Variants in HDAC9 observed in about 807,000 individuals in gnomAD.
HDAC9 encodes histone deacetylase 9, also known as MEF-2 interacting transcription repressor (MITR) protein.
HDAC9 carries 41 observed loss-of-function variants against 139.4 expected under a neutral mutation model. That is an observed-to-expected ratio of 0.29 (90% confidence interval 0.23 to 0.38). The LOEUF (loss-of-function observed/expected upper bound fraction) is 0.38. Ranked by LOEUF, HDAC9 falls within the 10% of genes least tolerant of loss-of-function variation. The pLI is 1.00. For synonymous variants in HDAC9, 517 were observed against 476.2 expected, an observed-to-expected ratio of 1.09 and a Z score of -1.12; for missense variants, 1,147 against 1,297.0, an observed-to-expected ratio of 0.88 and a Z score of 1.78.
chr7:18,822,829 G>A (rs911108307), intron 17 of HDAC9, among the ~76,000 whole-genome samples: 24 of 152,174 alleles, frequency 1.6e-4, no homozygotes, highest in African/African-American at 5.3e-4. Context: ...CTTCATTTGT[G>A]AAATGGGGAT....
At chr7:18,539,329 A>G (rs552050915) in intron 2 of HDAC9, among the ~76,000 whole-genome samples, 4 of 152,310 alleles carry the variant, frequency 2.6e-5, no homozygotes, top group Admixed American at 6.5e-5. Context: ...GGAATATTCT[A>G]TAAAATACTT....
intron 12 of HDAC9, among the ~76,000 whole-genome samples, chr7:18,725,667 A>G (rs1785487816): frequency 6.6e-6 from 1 of 152,182 alleles, no homozygotes; most frequent in Admixed American, 6.5e-5. Context: ...AAAAAATCAG[A>G]TAAACATGTA....
intron 25 of HDAC9, among the ~76,000 whole-genome samples, chr7:18,982,491 T>G (rs745664688): frequency 7.2e-5 from 11 of 152,256 alleles, no homozygotes; most frequent in Non-Finnish European, 1.3e-4. Context: ...CCTTAATTAA[T>G]TTTTAATGGA....
At chr7:18,195,862 A>C (rs989595521) in intron 2 of HDAC9, among the ~76,000 whole-genome samples, 5 of 152,158 alleles carry the variant, frequency 3.3e-5, no homozygotes, top group Admixed American at 2.6e-4. Flanking sequence ...TATGTTCATC[A>C]TCATCCCTAT....
At chr7:18,174,668 A>C (rs547073104) in intron 2 of HDAC9, among the ~76,000 whole-genome samples, 2 of 152,228 alleles carry the variant, frequency 1.3e-5, no homozygotes, top group South Asian at 4.1e-4. Flanking sequence ...TGTTGATGCT[A>C]TTCCTTTCTG....
At chr7:18,162,189 T>C (rs373056229) in intron 1 of HDAC9, 47 of 725,532 alleles carry the variant, frequency 6.5e-5, no homozygotes, top group South Asian at 5.1e-4. Flanking sequence ...TGACTTGATA[T>C]AGCTTGTATC....
intron 2 of HDAC9, among the ~76,000 whole-genome samples, chr7:18,531,356 CTT>C (rs1447799538): frequency 2.0e-5 from 3 of 152,038 alleles, no homozygotes; most frequent in Non-Finnish European, 1.5e-5. Context: ...TCAAATTACT[CTT>C]TTACTTAAGA....
At chr7:18,177,299 C>T (rs1788997319) in intron 2 of HDAC9, among the ~76,000 whole-genome samples, 2 of 152,152 alleles carry the variant, frequency 1.3e-5, no homozygotes, top group African/African-American at 4.8e-5. Flanking sequence ...TGTGTCTGAG[C>T]TTCCTGATTA....
chr7:18,391,242 G>A (rs539543041), intron 1 of HDAC9, among the ~76,000 whole-genome samples: 48 of 151,224 alleles, frequency 3.2e-4, no homozygotes, highest in African/African-American at 1.1e-3. Context: ...AAAATTATCC[G>A]GGCATGGTGG....
At chr7:18,834,441 T>C (rs1585123288) in intron 19 of HDAC9, among the ~76,000 whole-genome samples, 2 of 152,018 alleles carry the variant, frequency 1.3e-5, no homozygotes, top group South Asian at 4.2e-4. Flanking sequence ...ATTAGTTCTA[T>C]TGACTTTTTC....
At chr7:18,439,122 C>A (rs973692889) in intron 1 of HDAC9, among the ~76,000 whole-genome samples, 1 of 152,142 alleles carries the variant, frequency 6.6e-6, no homozygotes, top group Non-Finnish European at 1.5e-5. Flanking sequence ...TTTATCAGAT[C>A]TGGTGGCTTT....
At chr7:18,563,790 A>G (rs934532776) in intron 2 of HDAC9, among the ~76,000 whole-genome samples, 1 of 150,398 alleles carries the variant, frequency 6.6e-6, no homozygotes, top group East Asian at 1.9e-4. Flanking sequence ...CATGTGCACA[A>G]CATGCAGGTT....
intron 14 of HDAC9, among the ~76,000 whole-genome samples, chr7:18,753,741 AG>A (rs1788646175): frequency 1.3e-5 from 2 of 152,124 alleles, no homozygotes; most frequent in Non-Finnish European, 2.9e-5. Flanking sequence ...ATTCAATATT[AG>A]ATTCGACCTT....
intron 11 of HDAC9, 52 bp from the exon 12 acceptor site, chr7:18,666,161 C>G: frequency 1.3e-6 from 2 of 1,520,618 alleles, no homozygotes; most frequent in Non-Finnish European, 8.9e-7. Flanking sequence ...ATTTGCTTCT[C>G]TGTTACCATG....
At chr7:18,685,042 A>G (rs1293639428) in intron 12 of HDAC9, among the ~76,000 whole-genome samples, 2 of 152,046 alleles carry the variant, frequency 1.3e-5, no homozygotes, top group African/African-American at 4.8e-5. Context: ...GTTGTTAAAT[A>G]AAATTCGTCT....
intron 2 of HDAC9, among the ~76,000 whole-genome samples, chr7:18,218,434 ACT>A (rs1281446597): frequency 6.6e-6 from 1 of 151,974 alleles, no homozygotes; most frequent in East Asian, 1.9e-4. Flanking sequence ...ACAGGGAGAG[ACT>A]CTGTCTCAAA....
At chr7:18,407,823 C>G (rs1788158661) in intron 1 of HDAC9, among the ~76,000 whole-genome samples, 1 of 152,062 alleles carries the variant, frequency 6.6e-6, no homozygotes, top group African/African-American at 2.4e-5. Flanking sequence ...ATTGTGTTTC[C>G]TTTGGTCTAG....
chr7:18,665,548 T>C (rs1411352380), intron 11 of HDAC9, among the ~76,000 whole-genome samples: 2 of 152,178 alleles, frequency 1.3e-5, no homozygotes, highest in East Asian at 3.8e-4. Context: ...TAAAAAATAA[T>C]TTCCTGATTC....
intron 21 of HDAC9, among the ~76,000 whole-genome samples, chr7:18,864,787 G>A (rs913901038): frequency 6.6e-6 from 1 of 152,120 alleles, no homozygotes; most frequent in Non-Finnish European, 1.5e-5. Flanking sequence ...CACGGTTACA[G>A]AGTTTCCCTG....
Sources: allele counts gnomAD v4.1 joint callset (sites outside exome capture counted in the v4.1 genomes callset), GRCh38; gene constraint gnomAD v4.1.1; transcripts MANE v1.5; gene names NCBI Gene and HGNC (gene_info 2026-07-23, HGNC 2026-07-21).